Variants in DIAPH3 observed in about 807,000 individuals in gnomAD.
The protein encoded by DIAPH3 is protein diaphanous homolog 3.
A neutral mutation model predicts 144.3 loss-of-function variants in DIAPH3; 117 were observed. The ratio of observed to expected loss-of-function variants is 0.81; its 90% confidence interval spans 0.70 to 0.95. DIAPH3 has a LOEUF of 0.95. DIAPH3 is among the 40% of genes least tolerant of loss of function. The pLI is 0.00. For missense variants in DIAPH3, 1,421 were observed against 1,412.7 expected (o/e 1.01, Z -0.09); for synonymous variants, 519 against 488.9 (o/e 1.06, Z -0.81).
chr13:60,102,742 C>T (rs2058306548), intron 3 of DIAPH3, among the ~76,000 whole-genome samples: 1 of 152,180 alleles, frequency 6.6e-6, no homozygotes, highest in African/African-American at 2.4e-5. Flanking sequence ...CACTAAACCT[C>T]AGTGACCTAG....
At chr13:59,679,845 ACAT>A (rs2032849561) in intron 27 of DIAPH3, among the ~76,000 whole-genome samples, 1 of 152,208 alleles carries the variant, frequency 6.6e-6, no homozygotes, top group African/African-American at 2.4e-5. Context: ...AGAATAAATT[ACAT>A]CAAGTATTAC....
At chr13:59,984,618 A>T (rs2051269050) in intron 12 of DIAPH3, among the ~76,000 whole-genome samples, 1 of 150,664 alleles carries the variant, frequency 6.6e-6, no homozygotes, top group South Asian at 2.1e-4. Context: ...AAATAGACAC[A>T]ATAAAAAATG....
intron 17 of DIAPH3, among the ~76,000 whole-genome samples, chr13:59,968,992 A>C (rs1287667118): frequency 3.9e-5 from 6 of 152,194 alleles, no homozygotes; most frequent in Non-Finnish European, 7.3e-5. Context: ...TATAGGTGGC[A>C]TAAGTCTATA....
At chr13:59,813,788 C>T (rs779943890) in intron 24 of DIAPH3, among the ~76,000 whole-genome samples, 1 of 142,340 alleles carries the variant, frequency 7.0e-6, no homozygotes, top group East Asian at 2.1e-4. Flanking sequence ...GGGATGCAGG[C>T]GGCAGAGGTT....
intron 2 of DIAPH3, among the ~76,000 whole-genome samples, chr13:60,130,592 C>A (rs1165720217): frequency 6.6e-6 from 1 of 152,198 alleles, no homozygotes; most frequent in Non-Finnish European, 1.5e-5. Flanking sequence ...CCAAGCCAGG[C>A]TGAGATCCAA....
intron 9 of DIAPH3, among the ~76,000 whole-genome samples, chr13:60,000,510 C>T (rs2052458631): frequency 1.3e-5 from 2 of 151,522 alleles, no homozygotes; most frequent in African/African-American, 2.4e-5. Context: ...ACTAGATAAT[C>T]ATAACAAGTA....
chr13:59,879,035 GA>G (rs2044821203), intron 21 of DIAPH3, among the ~76,000 whole-genome samples, 193 bp downstream of exon 21: 1 of 152,112 alleles, frequency 6.6e-6, no homozygotes, highest in Non-Finnish European at 1.5e-5. Context: ...GCAGATTGAA[GA>G]AAATTAATAT....
chr13:60,142,682 C>G (rs2059450116), intron 1 of DIAPH3, among the ~76,000 whole-genome samples: 1 of 152,172 alleles, frequency 6.6e-6, no homozygotes, highest in South Asian at 2.1e-4. Flanking sequence ...CCATCAGGGA[C>G]TCTTTCCCTT....
chr13:59,774,441 C>A (rs2038288329), intron 26 of DIAPH3, among the ~76,000 whole-genome samples, 193 bp from the exon 27 acceptor site: 1 of 152,114 alleles, frequency 6.6e-6, no homozygotes, highest in African/African-American at 2.4e-5. Flanking sequence ...GTAAACTCCA[C>A]TGGGATAAGG....
intron 17 of DIAPH3, among the ~76,000 whole-genome samples, chr13:59,936,911 C>T (rs566550570): frequency 3.9e-5 from 6 of 152,196 alleles, no homozygotes; most frequent in Admixed American, 2.0e-4. Flanking sequence ...CGCCTATAAT[C>T]CCAGCACTTT....
At chr13:59,732,915 T>G (rs540207251) in intron 27 of DIAPH3, among the ~76,000 whole-genome samples, 1 of 152,130 alleles carries the variant, frequency 6.6e-6, no homozygotes, top group Non-Finnish European at 1.5e-5. Flanking sequence ...AAGAATAGAT[T>G]AGAAAAGAAA....
intron 17 of DIAPH3, among the ~76,000 whole-genome samples, chr13:59,953,130 T>C (rs867571307): frequency 6.6e-6 from 1 of 152,036 alleles, no homozygotes; most frequent in Non-Finnish European, 1.5e-5. Flanking sequence ...GGAACCTCAT[T>C]GAGAAAGCGA....
chr13:59,853,056 C>T (rs2043068843), intron 22 of DIAPH3, among the ~76,000 whole-genome samples: 1 of 152,086 alleles, frequency 6.6e-6, no homozygotes. Context: ...ACTAATATTG[C>T]ACCCATTTTA....
intron 24 of DIAPH3, among the ~76,000 whole-genome samples, chr13:59,828,957 C>T (rs2041618754): frequency 6.6e-6 from 1 of 151,880 alleles, no homozygotes. Context: ...ACAGCTGTTC[C>T]TCAGAGAAGC....
chr13:60,087,297 G>A (rs1035417562), intron 4 of DIAPH3, among the ~76,000 whole-genome samples: 5 of 152,052 alleles, frequency 3.3e-5, no homozygotes, highest in African/African-American at 7.2e-5. Flanking sequence ...ATCAAGATAC[G>A]CCTAGAAGAG....
At chr13:60,068,097 G>A (rs1001008592) in intron 4 of DIAPH3, among the ~76,000 whole-genome samples, 2 of 152,118 alleles carry the variant, frequency 1.3e-5, no homozygotes, top group Non-Finnish European at 2.9e-5. Context: ...AACATGAATA[G>A]TCTTAATTCA....
chr13:60,111,489 T>C (rs9592016), intron 3 of DIAPH3, among the ~76,000 whole-genome samples: 47,026 of 151,962 alleles, frequency 0.31, 7,627 homozygotes, highest in Admixed American at 0.4. Context: ...AGGAGATGAG[T>C]GGCAGGCCAG....
At chr13:59,720,774 AAC>A (rs565086914) in intron 27 of DIAPH3, among the ~76,000 whole-genome samples, 189 of 152,362 alleles carry the variant, frequency 1.2e-3, no homozygotes, top group African/African-American at 3.9e-3. Context: ...AGCTTAGCAG[AAC>A]ACAGTTATTG....
At chr13:60,051,165 G>T (rs191330252) in intron 4 of DIAPH3, among the ~76,000 whole-genome samples, 3 of 152,092 alleles carry the variant, frequency 2.0e-5, no homozygotes, top group Non-Finnish European at 4.4e-5. Context: ...TTCTGTAAAG[G>T]GGAAAAAAGA....
Sources: allele counts gnomAD v4.1 joint callset (sites outside exome capture counted in the v4.1 genomes callset), GRCh38; gene constraint gnomAD v4.1.1; transcripts MANE v1.5; gene names NCBI Gene and HGNC (gene_info 2026-07-23, HGNC 2026-07-21).